The following PRMT3 variants were observed in gnomAD, a reference collection of about 807,000 sequenced individuals.
PRMT3 encodes protein arginine N-methyltransferase 3.
Under a neutral mutation model 71.9 loss-of-function variants are expected in PRMT3, and 62 were observed. The ratio of observed to expected loss-of-function variants is 0.86; its 90% CI spans 0.70 to 1.07. The LOEUF (loss-of-function observed/expected upper bound fraction) is 1.07. Among genes scored for constraint, PRMT3 ranks in the 50% least tolerant of loss-of-function variants. The pLI is 0.00. For synonymous variants in PRMT3, 213 were observed against 220.4 expected (o/e 0.97, Z 0.30); for missense variants, 663 against 643.0 (o/e 1.03, Z -0.34).
chr11:20,395,066 T>G (rs1848795830), intron 5 of PRMT3, among the ~76,000 whole-genome samples: 1 of 152,226 alleles, frequency 6.6e-6, no homozygotes, highest in Non-Finnish European at 1.5e-5. Context: ...TTAATTTCTC[T>G]GAAATTTATT....
intron 13 of PRMT3, among the ~76,000 whole-genome samples, chr11:20,476,023 C>T (rs960987981): frequency 6.6e-5 from 10 of 151,848 alleles, no homozygotes; most frequent in African/African-American, 2.4e-4. Flanking sequence ...GACTATGTGC[C>T]AAGTACTTGT....
chr11:20,390,515 G>C (rs969220603), intron 3 of PRMT3, among the ~76,000 whole-genome samples: 1 of 152,218 alleles, frequency 6.6e-6, no homozygotes, highest in Non-Finnish European at 1.5e-5. Context: ...CAGCCTACGA[G>C]ACTGAGTTTT....
intron 11 of PRMT3, among the ~76,000 whole-genome samples, chr11:20,459,377 A>G (rs1443788116): frequency 6.6e-6 from 1 of 152,156 alleles, no homozygotes; most frequent in East Asian, 1.9e-4. Flanking sequence ...GTAGGACCAT[A>G]TGGTGGCCCT....
intron 10 of PRMT3, among the ~76,000 whole-genome samples, chr11:20,436,011 A>G (rs530876153): frequency 6.6e-6 from 1 of 152,264 alleles, no homozygotes; most frequent in African/African-American, 2.4e-5. Flanking sequence ...AGTATTTTGT[A>G]GTTTTCATTG....
At chr11:20,506,520 G>C (rs1215209791) in intron 15 of PRMT3, among the ~76,000 whole-genome samples, 1 of 151,848 alleles carries the variant, frequency 6.6e-6, no homozygotes, top group African/African-American at 2.4e-5. Flanking sequence ...ATGTAGAGAA[G>C]GTATCAGTAA....
At chr11:20,503,296 G>A (rs908811936) in intron 15 of PRMT3, among the ~76,000 whole-genome samples, 3 of 151,950 alleles carry the variant, frequency 2.0e-5, no homozygotes, top group Non-Finnish European at 4.4e-5. Flanking sequence ...CACTTACTAT[G>A]TACTGAGTCT....
At position 20,444,022 on chromosome 11, in the gene PRMT3, ATTC is replaced by A. The variant is rs35627870; in HGVS notation, c.994-8099_994-8097del. Among the ~76,000 whole-genome samples, 641 of 152,276 alleles carry A rather than the reference ATTC, an allele frequency of 4.2e-3. 3 individuals are homozygous for A. Among genetic ancestry groups the A allele is most frequent in the Admixed American group, 8.0e-3 (122 of 15,290 alleles). On this transcript the variant is annotated intron_variant, in intron 10 of 15. Coordinates refer to ENST00000331079, the MANE Select transcript of PRMT3 (RefSeq NM_005788.4). ...CTAATAAGTAGCCGTTATTACCATG[ATTC>A]TTCTTCTTGCGTGGAAGTTGGTGAT...
intron 10 of PRMT3, among the ~76,000 whole-genome samples, chr11:20,437,778 A>G (rs1219887424): frequency 6.6e-6 from 1 of 151,898 alleles, no homozygotes; most frequent in African/African-American, 2.4e-5. Flanking sequence ...TTTAGTAGAG[A>G]CAGGGTTTCA....
chr11:20,416,830 C>T (rs1384473667), intron 9 of PRMT3, among the ~76,000 whole-genome samples: 2 of 152,080 alleles, frequency 1.3e-5, no homozygotes, highest in Admixed American at 6.6e-5. Flanking sequence ...TAGTTCGTTT[C>T]TCATGGGATG....
At chr11:20,393,300 A>C (rs567615262) in intron 5 of PRMT3, among the ~76,000 whole-genome samples, 2 of 152,286 alleles carry the variant, frequency 1.3e-5, no homozygotes, top group East Asian at 3.9e-4. Context: ...ACAAAAAATT[A>C]GCCGGGCATG....
At chr11:20,393,493 A>G (rs1848761713) in intron 5 of PRMT3, among the ~76,000 whole-genome samples, 1 of 152,214 alleles carries the variant, frequency 6.6e-6, no homozygotes, top group South Asian at 2.1e-4. Context: ...AGGTTTATAC[A>G]CATTTATAAT....
At chr11:20,423,227 CTAATTTTT>C (rs1040903209) in intron 9 of PRMT3, among the ~76,000 whole-genome samples, 7 of 152,158 alleles carry the variant, frequency 4.6e-5, no homozygotes, top group African/African-American at 1.7e-4. Context: ...TCTTCTTGAA[CTAATTTTT>C]TAATATTTCC....
intron 9 of PRMT3, among the ~76,000 whole-genome samples, chr11:20,426,190 A>G (rs898451132): frequency 6.6e-6 from 1 of 152,204 alleles, no homozygotes; most frequent in Non-Finnish European, 1.5e-5. Flanking sequence ...TGATAGTGTC[A>G]TTGTTTATAG....
intron 13 of PRMT3, among the ~76,000 whole-genome samples, chr11:20,491,607 C>T (rs922571625): frequency 6.6e-5 from 10 of 152,158 alleles, no homozygotes; most frequent in African/African-American, 2.2e-4. Context: ...ACCTAGTTTA[C>T]GGATTAGTCT....
chr11:20,457,880 GTAGTGTCATT>G (rs1236786501), intron 11 of PRMT3, among the ~76,000 whole-genome samples: 3 of 152,130 alleles, frequency 2.0e-5, no homozygotes, highest in Non-Finnish European at 4.4e-5. Flanking sequence ...TAATAGAGCA[GTAGTGTCATT>G]TTTTATTTTT....
At chr11:20,394,426 G>A (rs1359356896) in intron 5 of PRMT3, among the ~76,000 whole-genome samples, 1 of 151,976 alleles carries the variant, frequency 6.6e-6, no homozygotes, top group African/African-American at 2.4e-5. Context: ...TTCTTTACAC[G>A]CTGTCCTTAG....
At chr11:20,466,275 A>G (rs976318874) in intron 13 of PRMT3, among the ~76,000 whole-genome samples, 8 of 152,172 alleles carry the variant, frequency 5.3e-5, no homozygotes, top group African/African-American at 1.9e-4. Flanking sequence ...AGTATTTTCA[A>G]CTTCTAGAAA....
intron 9 of PRMT3, among the ~76,000 whole-genome samples, chr11:20,413,627 C>T (rs910751808): frequency 3.3e-5 from 5 of 152,052 alleles, no homozygotes; most frequent in Non-Finnish European, 5.9e-5. Context: ...TAATATTTTA[C>T]GTTTGGGTGG....
intron 9 of PRMT3, among the ~76,000 whole-genome samples, chr11:20,417,935 A>G (rs576799386): frequency 2.6e-5 from 4 of 152,094 alleles, no homozygotes; most frequent in South Asian, 4.2e-4. Flanking sequence ...ATAGTCCCCA[A>G]TCCTGTTTAC....
Sources: gnomAD v4.1 joint callset for allele counts (sites outside exome capture counted in the v4.1 genomes callset) on GRCh38, gnomAD v4.1.1 for gene constraint, MANE v1.5 for transcripts, NCBI Gene and HGNC (gene_info 2026-07-23, HGNC 2026-07-21) for gene names.